KCNK13: variants seen among roughly 807,000 people sequenced by gnomAD.
The protein encoded by KCNK13 is potassium two pore domain channel subfamily K member 13.
KCNK13 carries 12 observed loss-of-function variants against 23.4 expected under a neutral mutation model. The ratio of observed to expected loss-of-function variants is 0.51; its 90% CI spans 0.33 to 0.83. The LOEUF (loss-of-function observed/expected upper bound fraction) is 0.83. Among genes scored for constraint, KCNK13 ranks in the 40% least tolerant of loss-of-function variants. The pLI is 0.02. For synonymous variants in KCNK13, 231 were observed against 229.5 expected, an observed-to-expected ratio of 1.01 and a Z score of -0.06; for missense variants, 463 against 556.3, an observed-to-expected ratio of 0.83 and a Z score of 1.69.
chr14:90,077,841 C>T (rs1005808568), intron 1 of KCNK13, among the ~76,000 whole-genome samples: 2 of 152,116 alleles, frequency 1.3e-5, no homozygotes, highest in African/African-American at 4.8e-5. Flanking sequence ...GGGTTGCTTC[C>T]CTTTCAATTT....
In KCNK13 at chr14:90,087,435, C is replaced by T. The variant is rs1200473671; in HGVS notation, c.334+24896C>T. On this transcript the variant is annotated intron_variant, in intron 1 of 1. Coordinates refer to ENST00000282146, the MANE Select transcript of KCNK13 (RefSeq NM_022054.4). ...AAATTATTCTAAGAAGGGACCAATA[C>T]ACTTCCCCAGACTGCCAAAGGCTCC... 2.6e-5 allele frequency among the ~76,000 whole-genome samples: 4 copies of T among 152,200 alleles called. No individual in the cohort carries two copies. In the East Asian group the frequency reaches 7.7e-4, roughly 29 times the overall value.
At chr14:90,161,256 A>C (rs1242620831) in intron 1 of KCNK13, among the ~76,000 whole-genome samples, 2 of 152,234 alleles carry the variant, frequency 1.3e-5, no homozygotes, top group Non-Finnish European at 2.9e-5. Flanking sequence ...AGAATAAGCA[A>C]GTTTATAGAT....
intron 1 of KCNK13, among the ~76,000 whole-genome samples, chr14:90,160,797 C>T (rs377078386): frequency 1.3e-5 from 2 of 148,988 alleles, no homozygotes; most frequent in Non-Finnish European, 3.0e-5. Flanking sequence ...GAGCCAAGAT[C>T]GCGCCATTGG....
chr14:90,182,632 G>A (rs564811868), intron 1 of KCNK13, among the ~76,000 whole-genome samples: 111 of 152,186 alleles, frequency 7.3e-4, no homozygotes, highest in African/African-American at 2.6e-3. Context: ...GGCCAGCCCA[G>A]GCAACAAGAC....
chr14:90,117,068 T>C (rs1266563276), intron 1 of KCNK13, among the ~76,000 whole-genome samples: 1 of 152,110 alleles, frequency 6.6e-6, no homozygotes, highest in African/African-American at 2.4e-5. Context: ...ATAACAATTA[T>C]AACAATAGCC....
At chr14:90,147,053 T>G (rs776286789) in intron 1 of KCNK13, among the ~76,000 whole-genome samples, 7 of 152,236 alleles carry the variant, frequency 4.6e-5, no homozygotes, top group Non-Finnish European at 7.3e-5. Flanking sequence ...AGTATTATTA[T>G]GCCACTTCAC....
chr14:90,140,479 T>C lies in KCNK13; in HGVS notation c.335-43632T>C, dbSNP rs958462700. On this transcript the variant is annotated intron_variant, in intron 1 of 1. Coordinates refer to ENST00000282146, the MANE Select transcript of KCNK13 (RefSeq NM_022054.4). ...GAATGGTGCTATTAACTGTTCAACA[T>C]TGGTGCAGGGCTGGGGACTGTGAGT... 2.6e-5 allele frequency among the ~76,000 whole-genome samples: 4 copies of C among 152,176 alleles called. No individual in the cohort carries two copies. The East Asian group carries it at 7.7e-4, about 29-fold the overall frequency.
intron 1 of KCNK13, among the ~76,000 whole-genome samples, chr14:90,119,271 G>A (rs927334651): frequency 1.3e-5 from 2 of 152,108 alleles, no homozygotes; most frequent in African/African-American, 4.8e-5. Flanking sequence ...GAGGAGGAAG[G>A]ACTCCTCCCC....
chr14:90,089,990 C>A (rs916148928), intron 1 of KCNK13, among the ~76,000 whole-genome samples: 10 of 152,232 alleles, frequency 6.6e-5, no homozygotes, highest in Admixed American at 5.9e-4. Context: ...AGGGGCGGGG[C>A]TCTCATGGAG....
intron 1 of KCNK13, among the ~76,000 whole-genome samples, chr14:90,170,721 A>G (rs181785101): frequency 3.2e-4 from 48 of 152,314 alleles, no homozygotes; most frequent in Non-Finnish European, 5.9e-4. Flanking sequence ...TGTATGTTTT[A>G]CATAAGATGA....
rs116762295 is a variant in KCNK13 at position 90,139,956 on chromosome 14, C to T, written c.335-44155C>T. Among the ~76,000 whole-genome samples, 665 of 152,126 alleles carry T rather than the reference C, an allele frequency of 4.4e-3. 4 individuals are homozygous for T. The highest frequency in any genetic ancestry group is 0.015 in the African/African-American group (631 of 41,474). On this transcript the variant is annotated intron_variant, in intron 1 of 1. Transcript: ENST00000282146. ...CAGCCTGGGTGACAGAGCGAGAGTA[C>T]GTCTCAAAAACAAACAAAAAAAAAT...
intron 1 of KCNK13, chr14:90,108,005 A>C: frequency 1.4e-6 from 1 of 693,298 alleles, no homozygotes; most frequent in Non-Finnish European, 2.7e-6. Context: ...ACCACAGAGC[A>C]GGCCACACGC....
At chr14:90,074,731 A>G (rs1215938826) in intron 1 of KCNK13, among the ~76,000 whole-genome samples, 1 of 152,200 alleles carries the variant, frequency 6.6e-6, no homozygotes, top group Non-Finnish European at 1.5e-5. Context: ...TGGAGGAAAC[A>G]TTATCCACAA....
chr14:90,174,061 C>T (rs1471120571), intron 1 of KCNK13, among the ~76,000 whole-genome samples: 1 of 152,084 alleles, frequency 6.6e-6, no homozygotes, highest in African/African-American at 2.4e-5. Flanking sequence ...AATCCCAGCA[C>T]TTTGGGAGGC....
chr14:90,149,848 G>T (rs189740559), intron 1 of KCNK13, among the ~76,000 whole-genome samples: 24 of 152,318 alleles, frequency 1.6e-4, no homozygotes, highest in Middle Eastern at 3.4e-3. Context: ...GGCAAAAGAT[G>T]ATTGAGGTTT....
At chr14:90,171,907 A>G (rs1890368865) in intron 1 of KCNK13, among the ~76,000 whole-genome samples, 1 of 152,198 alleles carries the variant, frequency 6.6e-6, no homozygotes, top group African/African-American at 2.4e-5. Context: ...GATGAACACA[A>G]ACATGGAGCA....
intron 1 of KCNK13, among the ~76,000 whole-genome samples, chr14:90,171,005 G>C (rs571284069): frequency 1.3e-5 from 2 of 152,154 alleles, no homozygotes; most frequent in Non-Finnish European, 2.9e-5. Flanking sequence ...CAGGTTTGCC[G>C]GACCCAGTTC....
chr14:90,091,298 G>C (rs1336143664), intron 1 of KCNK13, among the ~76,000 whole-genome samples: 1 of 152,126 alleles, frequency 6.6e-6, no homozygotes, highest in Non-Finnish European at 1.5e-5. Flanking sequence ...CAATCAGTAG[G>C]CGCAAGAGCT....
chr14:90,094,379 C>T (rs539858321), intron 1 of KCNK13, among the ~76,000 whole-genome samples: 33 of 152,182 alleles, frequency 2.2e-4, no homozygotes, highest in Non-Finnish European at 2.1e-4. Context: ...GAGGCAAATA[C>T]GAAGGGCTTG....
Sources: gnomAD v4.1 joint callset for allele counts (sites outside exome capture counted in the v4.1 genomes callset) on GRCh38, gnomAD v4.1.1 for gene constraint, MANE v1.5 for transcripts, NCBI Gene and HGNC (gene_info 2026-07-23, HGNC 2026-07-21) for gene names.